The following MICU1 variants were observed in gnomAD, a reference collection of about 807,000 sequenced individuals.
MICU1 encodes the protein calcium uptake protein 1, mitochondrial.
Under a neutral mutation model 56.8 loss-of-function variants are expected in MICU1, and 45 were observed. That is an observed-to-expected ratio of 0.79 (90% CI 0.62 to 1.02). The LOEUF (loss-of-function observed/expected upper bound fraction) is 1.02. MICU1 is among the 50% of genes least tolerant of loss of function. The pLI is 0.00. For missense variants in MICU1, 504 were observed against 587.1 expected (o/e 0.86, Z 1.46); for synonymous variants, 186 against 195.1 (o/e 0.95, Z 0.39).
At chr10:72,480,808 G>A (rs1371620148) in intron 6 of MICU1, among the ~76,000 whole-genome samples, 1 of 152,140 alleles carries the variant, frequency 6.6e-6, no homozygotes, top group Non-Finnish European at 1.5e-5. Flanking sequence ...GTTCCATGAA[G>A]GCATGTGCCC....
At chr10:72,599,258 A>C (rs1208165393) in intron 1 of MICU1, among the ~76,000 whole-genome samples, 1 of 152,266 alleles carries the variant, frequency 6.6e-6, no homozygotes, top group East Asian at 1.9e-4. Context: ...AATGAAGTAC[A>C]ATGGACTTAC....
chr10:72,618,908 G>A (rs1842040690), intron 1 of MICU1, among the ~76,000 whole-genome samples: 1 of 152,106 alleles, frequency 6.6e-6, no homozygotes, highest in Admixed American at 6.6e-5. Flanking sequence ...GTAATTATCA[G>A]TTCATCTGTC....
At chr10:72,625,515 G>C (rs1842206488) in intron 1 of MICU1, among the ~76,000 whole-genome samples, 1 of 152,204 alleles carries the variant, frequency 6.6e-6, no homozygotes, top group Non-Finnish European at 1.5e-5. Flanking sequence ...AAACTGAACA[G>C]TCCGAGTAGC....
intron 5 of MICU1, among the ~76,000 whole-genome samples, chr10:72,511,280 ATGC>A (rs1276567057): frequency 2.6e-5 from 4 of 152,176 alleles, no homozygotes; most frequent in Non-Finnish European, 5.9e-5. Flanking sequence ...ACTGTATGGG[ATGC>A]TGATCATAAT....
intron 6 of MICU1, chr10:72,501,816 T>C (rs978518886): frequency 5.3e-5 from 8 of 152,210 alleles, no homozygotes; most frequent in African/African-American, 1.7e-4. Flanking sequence ...GCCAGATTGA[T>C]TGTTATTCTG....
chr10:72,536,736 G>A (rs1839647095), intron 4 of MICU1, among the ~76,000 whole-genome samples: 1 of 152,120 alleles, frequency 6.6e-6, no homozygotes, highest in South Asian at 2.1e-4. Flanking sequence ...TATCCAAATA[G>A]TATCATTTTA....
At chr10:72,588,819 T>C (rs1227418419) in intron 1 of MICU1, among the ~76,000 whole-genome samples, 1 of 152,266 alleles carries the variant, frequency 6.6e-6, no homozygotes, top group Non-Finnish European at 1.5e-5. Context: ...ACCAAAAATG[T>C]CTTTAGACAT....
intron 10 of MICU1, among the ~76,000 whole-genome samples, chr10:72,377,854 C>G (rs1431146288): frequency 3.9e-5 from 6 of 152,186 alleles, no homozygotes; most frequent in Non-Finnish European, 8.8e-5. Context: ...ATCAGCCCAT[C>G]TTGTCATTTT....
intron 8 of MICU1, among the ~76,000 whole-genome samples, chr10:72,430,523 T>C (rs1864491584): frequency 6.6e-6 from 1 of 152,132 alleles, no homozygotes; most frequent in South Asian, 2.1e-4. Flanking sequence ...CGGCACTCCA[T>C]TTGAAGCCCA....
chr10:72,570,059 C>T lies in MICU1; in HGVS notation c.-1-3265G>A, dbSNP rs183687743. Among the ~76,000 whole-genome samples the T allele has an allele frequency of 1.3e-3, 204 of 152,278 alleles. 1 individual carries two copies. The highest frequency in any genetic ancestry group is 4.6e-3 in the African/African-American group (193 of 41,560). On this transcript the variant is annotated intron_variant, in intron 1 of 11. Transcript: ENST00000361114. The stretch of plus-strand genomic sequence containing the variant: ...CTCCTGGGTTCAACCAATTCTCCTG[C>T]GTCAGCCTCCCAAGTTGCTGGGATT...
chr10:72,443,314 G>A (rs1865000980), intron 8 of MICU1, among the ~76,000 whole-genome samples: 1 of 152,122 alleles, frequency 6.6e-6, no homozygotes, highest in Admixed American at 6.6e-5. Context: ...CTCCCATTTT[G>A]TGGGTTGCCT....
chr10:72,397,579 T>C (rs548920518), intron 10 of MICU1, among the ~76,000 whole-genome samples: 2 of 152,088 alleles, frequency 1.3e-5, no homozygotes, highest in Admixed American at 1.3e-4. Context: ...AATAAAGGGA[T>C]GGAGGAAGAT....
At chr10:72,404,003 T>TG (rs1444703666) in intron 10 of MICU1, among the ~76,000 whole-genome samples, 2 of 148,780 alleles carry the variant, frequency 1.3e-5, no homozygotes, top group Non-Finnish European at 3.0e-5. Flanking sequence ...TTTGTTTGTT[T>TG]TTTGGAGACA....
intron 11 of MICU1, among the ~76,000 whole-genome samples, chr10:72,370,767 A>T (rs540340478): frequency 1.2e-4 from 19 of 152,308 alleles, no homozygotes; most frequent in African/African-American, 4.3e-4. Flanking sequence ...ACAGTGAGTC[A>T]CGCTTGTAAT....
chr10:72,574,060 A>G (rs74736024), intron 1 of MICU1, among the ~76,000 whole-genome samples: 3,255 of 152,198 alleles, frequency 0.021, 119 homozygotes, highest in African/African-American at 0.075. Flanking sequence ...GCACATTTAG[A>G]GAATGACTAC....
At chr10:72,488,605 G>A (rs1269637512) in intron 6 of MICU1, among the ~76,000 whole-genome samples, 2 of 152,118 alleles carry the variant, frequency 1.3e-5, no homozygotes, top group Non-Finnish European at 2.9e-5. Context: ...AGCAATAACA[G>A]GTTCAGTTAT....
chr10:72,563,123 A>G, intron 2 of MICU1, 60 bp from the exon 3 acceptor site: 1 of 1,280,652 alleles, frequency 7.8e-7, no homozygotes. Flanking sequence ...TAGACAAATA[A>G]GCAAACAGAT....
chr10:72,539,208 A>G (rs192436355), intron 4 of MICU1, among the ~76,000 whole-genome samples: 9 of 152,302 alleles, frequency 5.9e-5, no homozygotes, highest in Admixed American at 1.3e-4. Context: ...ATAAAGAAAC[A>G]TCAGATTTAA....
intron 1 of MICU1, among the ~76,000 whole-genome samples, chr10:72,624,419 G>T (rs569071406): frequency 3.2e-4 from 49 of 152,208 alleles, no homozygotes; most frequent in African/African-American, 1.0e-3. Context: ...CTAGATTCAA[G>T]GGATCCACCC....
Sources: gnomAD v4.1 joint callset for allele counts (sites outside exome capture counted in the v4.1 genomes callset) on GRCh38, gnomAD v4.1.1 for gene constraint, MANE v1.5 for transcripts, NCBI Gene and HGNC (gene_info 2026-07-23, HGNC 2026-07-21) for gene names.